RBFOX3: variants seen among roughly 807,000 people sequenced by gnomAD.
The protein encoded by RBFOX3 is RNA binding fox-1 homolog 3, also known as RNA binding protein fox-1 homolog 3.
In RBFOX3, 17 loss-of-function variants were observed where a neutral mutation model predicts 48.7. The observed-to-expected ratio is 0.35, with a 90% CI of 0.24 to 0.52. The LOEUF is 0.52. RBFOX3 is among the 20% of genes least tolerant of loss of function. The pLI is 0.94. For missense variants in RBFOX3, 382 were observed against 497.5 expected, an observed-to-expected ratio of 0.77 and a Z score of 2.21; for synonymous variants, 212 against 209.5, an observed-to-expected ratio of 1.01 and a Z score of -0.10.
At chr17:79,338,811 TA>T (rs1381140145) in intron 2 of RBFOX3, among the ~76,000 whole-genome samples, 1 of 152,224 alleles carries the variant, frequency 6.6e-6, no homozygotes, top group Non-Finnish European at 1.5e-5. Context: ...TTTTCCTTGT[TA>T]GCCCTGGAGA....
intron 4 of RBFOX3, among the ~76,000 whole-genome samples, chr17:79,180,816 C>T (rs191993828): frequency 2.0e-5 from 3 of 151,354 alleles, no homozygotes; most frequent in Non-Finnish European, 2.9e-5. Context: ...CAGCCGCGGG[C>T]GAGGGAAGGA....
At chr17:79,339,542 C>T (rs2081729308) in intron 2 of RBFOX3, among the ~76,000 whole-genome samples, 1 of 152,158 alleles carries the variant, frequency 6.6e-6, no homozygotes, top group African/African-American at 2.4e-5. Flanking sequence ...GGAAGTGGTT[C>T]CTTAAAACAC....
chr17:79,416,620 C>T (rs1191970016), intron 2 of RBFOX3, among the ~76,000 whole-genome samples: 3 of 152,200 alleles, frequency 2.0e-5, no homozygotes, highest in African/African-American at 7.2e-5. Flanking sequence ...CCAGTAGCCT[C>T]CTGTGGGGAG....
intron 3 of RBFOX3, among the ~76,000 whole-genome samples, chr17:79,292,673 T>C (rs534927567): frequency 1.3e-5 from 2 of 152,220 alleles, no homozygotes; most frequent in East Asian, 3.9e-4. Flanking sequence ...AAGGACAGCA[T>C]GGGCTGCTTT....
chr17:79,604,252 A>G (rs2093776792), intron 1 of RBFOX3, among the ~76,000 whole-genome samples: 1 of 152,224 alleles, frequency 6.6e-6, no homozygotes, highest in Non-Finnish European at 1.5e-5. Context: ...GGCAGGTGTC[A>G]ACACCAAGTC....
rs4790048 is a variant in RBFOX3 at position 79,481,990 on chromosome 17, C to T, written c.-175+464G>A. Among the ~76,000 whole-genome samples the T allele has an allele frequency of 0.14, 21,579 of 152,052 alleles. 1,849 individuals carry two copies. The highest frequency in any genetic ancestry group is 0.42 in the East Asian group (2,162 of 5,124). ...CAGAGCTGAACGGCAGTCACCCTCT[C>T]GGGGTGGGAACAGAGGCATCATGCC... On this transcript the variant is annotated intron_variant, in intron 2 of 14. Coordinates refer to ENST00000693108, the MANE Select transcript of RBFOX3 (RefSeq NM_001350451.2). The surrounding 1 kb of genome is among the most constrained non-coding windows in gnomAD (Gnocchi z 5.4).
At chr17:79,191,917 G>A (rs955215553) in intron 4 of RBFOX3, among the ~76,000 whole-genome samples, 2 of 152,162 alleles carry the variant, frequency 1.3e-5, no homozygotes, top group Non-Finnish European at 2.9e-5. Flanking sequence ...GGGAAGTTGT[G>A]TGAATTGCTG....
intron 2 of RBFOX3, among the ~76,000 whole-genome samples, chr17:79,342,702 G>A (rs947635908): frequency 6.6e-6 from 1 of 152,228 alleles, no homozygotes; most frequent in African/African-American, 2.4e-5. Flanking sequence ...GCACAGGAGT[G>A]TGGGTCCTAA....
chr17:79,352,295 A>C (rs941538850), intron 2 of RBFOX3, among the ~76,000 whole-genome samples: 1 of 152,102 alleles, frequency 6.6e-6, no homozygotes, highest in Non-Finnish European at 1.5e-5. Context: ...CTGGTTGTTT[A>C]AAAGTGTGTA....
At chr17:79,375,013 A>G (rs919471888) in intron 2 of RBFOX3, among the ~76,000 whole-genome samples, 1 of 151,938 alleles carries the variant, frequency 6.6e-6, no homozygotes, top group Non-Finnish European at 1.5e-5. Flanking sequence ...CCACCAGCCT[A>G]AGGGCACCAC....
intron 2 of RBFOX3, among the ~76,000 whole-genome samples, chr17:79,442,710 A>G (rs2071396804): frequency 6.6e-6 from 1 of 152,006 alleles, no homozygotes; most frequent in African/African-American, 2.4e-5. Flanking sequence ...GGGCTGCCGT[A>G]ACTATTAATA....
chr17:79,119,141 C>T (rs2035010669), intron 4 of RBFOX3, among the ~76,000 whole-genome samples: 1 of 152,174 alleles, frequency 6.6e-6, no homozygotes, highest in African/African-American at 2.4e-5. Context: ...TGAGGTTCTG[C>T]AGGGCTGAAG....
chr17:79,444,767 G>C (rs1170065393), intron 2 of RBFOX3, among the ~76,000 whole-genome samples: 1 of 151,810 alleles, frequency 6.6e-6, no homozygotes, highest in African/African-American at 2.4e-5. Flanking sequence ...GTTTAGTCTT[G>C]AGCAAATATA....
chr17:79,286,545 G>C (rs2071932678), intron 3 of RBFOX3, among the ~76,000 whole-genome samples: 1 of 152,224 alleles, frequency 6.6e-6, no homozygotes, highest in African/African-American at 2.4e-5. Flanking sequence ...TGCAGGGAGG[G>C]TTTGCCCATC....
chr17:79,625,253 A>G, the RBFOX3 span, among the ~76,000 whole-genome samples: 3 of 152,228 alleles, frequency 2.0e-5, no homozygotes, highest in Admixed American at 1.3e-4. Flanking sequence ...TATAAGTGAA[A>G]TGACACAGTA....
At chr17:79,573,429 G>A (rs1032753515) in intron 1 of RBFOX3, among the ~76,000 whole-genome samples, 12 of 152,170 alleles carry the variant, frequency 7.9e-5, no homozygotes, top group African/African-American at 2.2e-4. Context: ...GCAGGACCTC[G>A]TGCAGCCTGG....
At chr17:79,166,158 C>G (rs577203606) in intron 4 of RBFOX3, among the ~76,000 whole-genome samples, 6 of 152,192 alleles carry the variant, frequency 3.9e-5, no homozygotes, top group African/African-American at 1.2e-4. Flanking sequence ...CTGTTCCCCC[C>G]CCGGGCAGGT....
chr17:79,414,459 C>G (rs1377580249), intron 2 of RBFOX3, among the ~76,000 whole-genome samples: 1 of 152,208 alleles, frequency 6.6e-6, no homozygotes, highest in Admixed American at 6.5e-5. Flanking sequence ...GCGTGTATTT[C>G]CATATGCAAA....
rs535327454 is a variant in RBFOX3 at position 79,093,776 on chromosome 17, C to T, written c.1077+675G>A. On this transcript the variant is annotated intron_variant, in intron 14 of 14. Transcript: ENST00000693108. ...TGGGTGCAGAGTGAGCTGGGCTGCA[C>T]GTGTCAACAGCTGGCCACACACACA... is the stretch of plus-strand genomic sequence containing the variant. 2.4e-3 allele frequency among the ~76,000 whole-genome samples: 352 copies of T among 147,712 alleles called. 1 individual carries two copies. The highest frequency in any genetic ancestry group is 5.5e-3 in the African/African-American group (218 of 39,754).
Sources: gnomAD v4.1 joint callset for allele counts (sites outside exome capture counted in the v4.1 genomes callset) on GRCh38, gnomAD v4.1.1 for gene constraint, Gnocchi (gnomAD v3.1) non-coding constraint, MANE v1.5 for transcripts, NCBI Gene and HGNC (gene_info 2026-07-23, HGNC 2026-07-21) for gene names.